The following RBFOX1 variants were observed in gnomAD, a reference collection of about 807,000 sequenced individuals.
RBFOX1 encodes the protein RNA binding protein fox-1 homolog 1.
Under a neutral mutation model 57.7 loss-of-function variants are expected in RBFOX1, and 8 were observed. The observed-to-expected ratio is 0.14, with a 90% CI of 0.08 to 0.25. RBFOX1 has a LOEUF of 0.25. Ranked by LOEUF, RBFOX1 falls within the 10% of genes least tolerant of loss-of-function variation. The probability of loss-of-function intolerance (pLI) is 1.00; values close to 1 mark genes in which losing one functional copy is unlikely to be tolerated. For synonymous variants in RBFOX1, 326 were observed against 222.4 expected (o/e 1.47, Z -4.15); for missense variants, 611 against 548.5 (o/e 1.11, Z -1.14).
chr16:6,417,683 T>C (rs537930718), intron 2 of RBFOX1, among the ~76,000 whole-genome samples: 35 of 144,690 alleles, frequency 2.4e-4, no homozygotes, highest in African/African-American at 9.2e-4. Context: ...AGCCACCATG[T>C]CTGGCCTTAA....
intron 5 of RBFOX1, among the ~76,000 whole-genome samples, chr16:7,520,047 G>A (rs1460139795): frequency 2.0e-5 from 3 of 151,938 alleles, no homozygotes; most frequent in Non-Finnish European, 2.9e-5. Flanking sequence ...CACCATGTCC[G>A]GCTAATTTTT....
intron 3 of RBFOX1, among the ~76,000 whole-genome samples, chr16:6,855,963 C>T (rs888549379): frequency 6.6e-6 from 1 of 151,882 alleles, no homozygotes; most frequent in Non-Finnish European, 1.5e-5. Flanking sequence ...GTCATTTGTA[C>T]CCAAAGACTC....
At chr16:5,625,202 A>T (rs930348331) in intron 3 of RBFOX1, among the ~76,000 whole-genome samples, 5 of 151,630 alleles carry the variant, frequency 3.3e-5, no homozygotes, top group African/African-American at 9.8e-5. Context: ...AGCCCCCCAG[A>T]ACAGGGCAGG....
intron 1 of RBFOX1, among the ~76,000 whole-genome samples, chr16:6,084,518 G>A (rs1013523226): frequency 6.6e-6 from 1 of 152,124 alleles, no homozygotes; most frequent in African/African-American, 2.4e-5. Context: ...TGTTGAGATT[G>A]CAGACAAAAA....
In RBFOX1 at chr16:6,409,687, A is replaced by G. The variant is rs555913943; in HGVS notation, c.-64+92630A>G. The stretch of plus-strand genomic sequence containing the variant: ...CAAATGGCTGTTGTAGTGGAGGGGA[A>G]AAAGGTTTCGGCTAAAATTTATCCA... On this transcript the variant is annotated intron_variant, in intron 2 of 15. Coordinates refer to ENST00000550418, the MANE Select transcript of RBFOX1 (RefSeq NM_018723.4). 1.5e-3 allele frequency among the ~76,000 whole-genome samples: 226 copies of G among 152,280 alleles called. 1 individual carries two copies. The highest frequency in any genetic ancestry group is 5.3e-3 in the African/African-American group (221 of 41,572).
At chr16:6,978,249 G>A (rs531087239) in intron 3 of RBFOX1, among the ~76,000 whole-genome samples, 12 of 152,150 alleles carry the variant, frequency 7.9e-5, no homozygotes, top group African/African-American at 2.4e-4. Context: ...TAGCCTTGGA[G>A]AGCGTGGCTT....
intron 3 of RBFOX1, among the ~76,000 whole-genome samples, chr16:5,717,443 G>C (rs1308970891): frequency 6.6e-6 from 1 of 152,012 alleles, no homozygotes; most frequent in African/African-American, 2.4e-5. Context: ...AGATTTTGGT[G>C]CACCCATCAC....
chr16:7,469,222 C>T (rs964850169), intron 4 of RBFOX1, among the ~76,000 whole-genome samples: 2 of 111,912 alleles, frequency 1.8e-5, no homozygotes, highest in African/African-American at 6.2e-5. Context: ...GCGTGAGCCA[C>T]CTAATTTTTT....
intron 1 of RBFOX1, among the ~76,000 whole-genome samples, chr16:5,269,549 C>G (rs551803155): frequency 3.9e-5 from 6 of 152,312 alleles, no homozygotes; most frequent in African/African-American, 7.2e-5. Flanking sequence ...CAAAAAGGAG[C>G]AAAGCACATA....
In RBFOX1 at chr16:5,608,262, T is replaced by G. The variant is rs139230005; in HGVS notation, c.318+9301T>G. 2.3e-3 allele frequency among the ~76,000 whole-genome samples: 352 copies of G among 152,304 alleles called. 3 individuals are homozygous for G. The highest frequency in any genetic ancestry group is 4.2e-3 in the Non-Finnish European group (283 of 68,012). On this transcript the variant is annotated intron_variant, in intron 3 of 19. Transcript: ENST00000641259. ...AGGGGCACTTTGAGTCTCAGCTGAC[T>G]GGGTCAGTGTTGCAAGGGTGTAGGA...
chr16:5,436,360 G>A (rs2067917969), intron 1 of RBFOX1, among the ~76,000 whole-genome samples: 2 of 152,090 alleles, frequency 1.3e-5, no homozygotes, highest in Non-Finnish European at 2.9e-5. Flanking sequence ...GAAGAGACAG[G>A]GTGAGAAAAC....
intron 2 of RBFOX1, among the ~76,000 whole-genome samples, chr16:6,478,652 C>G (rs1223740649): frequency 6.6e-6 from 1 of 151,292 alleles, no homozygotes; most frequent in Non-Finnish European, 1.5e-5. Context: ...CACCTGAACA[C>G]TTAGAGGCTA....
intron 4 of RBFOX1, among the ~76,000 whole-genome samples, chr16:7,196,080 T>G (rs34586230): frequency 6.6e-6 from 1 of 152,102 alleles, no homozygotes; most frequent in Non-Finnish European, 1.5e-5. Context: ...ATTATTATTG[T>G]TATTATTATT....
intron 1 of RBFOX1, among the ~76,000 whole-genome samples, chr16:5,354,633 G>A (rs575749103): frequency 2.0e-5 from 3 of 152,360 alleles, no homozygotes; most frequent in South Asian, 4.1e-4. Flanking sequence ...ACAGAGTGCT[G>A]TCTGCCCAGC....
intron 4 of RBFOX1, among the ~76,000 whole-genome samples, chr16:7,100,404 G>A (rs983071703): frequency 1.4e-4 from 22 of 152,106 alleles, no homozygotes; most frequent in Admixed American, 4.6e-4. Flanking sequence ...CATTTTTGAC[G>A]TATTTCCTCC....
rs567046481 is a variant in RBFOX1 at position 5,290,131 on chromosome 16, C to CATATT, written c.219+50029_219+50030insTTATA. On this transcript the variant is annotated intron_variant, in intron 1 of 2. Coordinates refer to the RBFOX1 transcript ENST00000585867. ...GGAAGAAACCAGTCACAAAAGGTCA[C>CATATT]ATAAGATTTCATTTATATGAAATGT... Among the ~76,000 whole-genome samples, 120 of 152,312 alleles carry CATATT rather than the reference C, an allele frequency of 7.9e-4. 1 individual carries two copies. The East Asian group carries it at 0.021, about 27-fold the overall frequency.
chr16:5,917,175 G>T (rs762224079), intron 4 of RBFOX1, among the ~76,000 whole-genome samples: 2 of 152,144 alleles, frequency 1.3e-5, no homozygotes, highest in Non-Finnish European at 2.9e-5. Context: ...CAGGATGCCA[G>T]GCTGTTTTTC....
intron 3 of RBFOX1, among the ~76,000 whole-genome samples, chr16:5,681,106 C>G (rs2050318828): frequency 6.6e-6 from 1 of 152,010 alleles, no homozygotes; most frequent in South Asian, 2.1e-4. Flanking sequence ...TGGAGTCTCG[C>G]TCTGTCACCC....
At chr16:7,448,616 C>T (rs114621817) in intron 4 of RBFOX1, among the ~76,000 whole-genome samples, 5,517 of 152,240 alleles carry the variant, frequency 0.036, 343 homozygotes, top group African/African-American at 0.12. Context: ...CAATTTAAGA[C>T]GAGATTTGGC....
Sources: allele counts gnomAD v4.1 joint callset (sites outside exome capture counted in the v4.1 genomes callset), GRCh38; gene constraint gnomAD v4.1.1; transcripts MANE v1.5; gene names NCBI Gene and HGNC (gene_info 2026-07-23, HGNC 2026-07-21).